The following SHANK2 variants were observed in gnomAD, a reference collection of about 807,000 sequenced individuals.
SHANK2 encodes SH3 and multiple ankyrin repeat domains protein 2.
SHANK2 carries 43 observed loss-of-function variants against 133.7 expected under a neutral mutation model. The observed-to-expected ratio is 0.32, with a 90% CI of 0.25 to 0.41. The LOEUF is 0.41. SHANK2 is among the 10% of genes least tolerant of loss of function. SHANK2 has a pLI of 1.00. For missense variants in SHANK2, 1,994 were observed against 2,235.8 expected (o/e 0.89, Z 2.18); for synonymous variants, 1,017 against 952.8 (o/e 1.07, Z -1.24).
intron 17 of SHANK2, among the ~76,000 whole-genome samples, chr11:70,540,808 C>T (rs2059611426): frequency 7.0e-6 from 1 of 143,602 alleles, no homozygotes; most frequent in South Asian, 2.3e-4. Flanking sequence ...GAAATCACGC[C>T]ACTGCACTCC....
intron 21 of SHANK2, among the ~76,000 whole-genome samples, chr11:70,494,530 G>A (rs1378404099): frequency 6.6e-6 from 1 of 152,158 alleles, no homozygotes; most frequent in Non-Finnish European, 1.5e-5. Flanking sequence ...CTGACCTCAA[G>A]TGATGTGCCC....
At chr11:71,246,474 C>T (rs933702589) in intron 1 of SHANK2, among the ~76,000 whole-genome samples, 3 of 152,206 alleles carry the variant, frequency 2.0e-5, no homozygotes, top group African/African-American at 4.8e-5. Flanking sequence ...ACTGCCTTCA[C>T]GTAAGTATCA....
rs910734753 is a variant in SHANK2 at position 70,825,094 on chromosome 11, C to T, written c.1175-4412G>A. On this transcript the variant is annotated intron_variant, in intron 11 of 25. Transcript: ENST00000601538. ...CCGACTGCCTCACGCCCAGCTTCCCCGCCCCGACAATGCAGCCAATTCTCT... is the reference window on the plus strand; with the variant it reads ...CCGACTGCCTCACGCCCAGCTTCCCTGCCCCGACAATGCAGCCAATTCTCT... Among the ~76,000 whole-genome samples the T allele has an allele frequency of 3.9e-5, 6 of 152,270 alleles. No individual in the cohort carries two copies. In the East Asian group the frequency reaches 7.7e-4, roughly 20 times the overall value.
chr11:71,100,315 T>C (rs1555096397), intron 6 of SHANK2, among the ~76,000 whole-genome samples: 1 of 152,220 alleles, frequency 6.6e-6, no homozygotes, highest in Non-Finnish European at 1.5e-5. Context: ...ATCTGAATGT[T>C]AGTGTTTACA....
At chr11:70,856,888 T>C (rs1949180459) in intron 11 of SHANK2, among the ~76,000 whole-genome samples, 1 of 152,164 alleles carries the variant, frequency 6.6e-6, no homozygotes, top group Non-Finnish European at 1.5e-5. Context: ...GCCCCAAGCA[T>C]CATTTGAAAC....
chr11:71,065,597 C>A (rs1951042106), intron 9 of SHANK2, among the ~76,000 whole-genome samples: 1 of 86,050 alleles, frequency 1.2e-5, no homozygotes, highest in Non-Finnish European at 2.1e-5. Flanking sequence ...GAGAGATGAG[C>A]AGTGAGTGGG....
At chr11:70,797,567 T>C (rs1271498386) in intron 14 of SHANK2, among the ~76,000 whole-genome samples, 2 of 152,126 alleles carry the variant, frequency 1.3e-5, no homozygotes, top group African/African-American at 4.8e-5. Flanking sequence ...TGGCTGGCCC[T>C]GGCAGATCTG....
At chr11:70,573,557 G>GGGGGGGT (rs1554983581) in intron 17 of SHANK2, among the ~76,000 whole-genome samples, 7 of 132,004 alleles carry the variant, frequency 5.3e-5, no homozygotes, top group East Asian at 2.4e-4. Flanking sequence ...GGCGGGGGGG[G>GGGGGGGT]GGTGGGGCAT....
intron 14 of SHANK2, among the ~76,000 whole-genome samples, chr11:70,729,761 C>G (rs1298354702): frequency 6.6e-6 from 1 of 151,406 alleles, no homozygotes; most frequent in Non-Finnish European, 1.5e-5. Context: ...TCTCGATCTT[C>G]TGACCTCATG....
At chr11:70,811,167 GT>G (rs1188941203) in intron 12 of SHANK2, among the ~76,000 whole-genome samples, 1 of 152,160 alleles carries the variant, frequency 6.6e-6, no homozygotes, top group Non-Finnish European at 1.5e-5. Context: ...GTGGGTCAAA[GT>G]CTAGAGGAAA....
At chr11:70,914,717 T>TAAAATAAAATA (rs1489678395) in intron 10 of SHANK2, among the ~76,000 whole-genome samples, 2 of 145,478 alleles carry the variant, frequency 1.4e-5, no homozygotes, top group Non-Finnish European at 3.0e-5. Flanking sequence ...TAAAATAAAA[T>TAAAATAAAATA]AAAACAAAAC....
At chr11:70,516,008 G>A (rs969482955) in intron 17 of SHANK2, among the ~76,000 whole-genome samples, 13 of 151,894 alleles carry the variant, frequency 8.6e-5, no homozygotes, top group African/African-American at 1.2e-4. Flanking sequence ...GTTTTGGGCC[G>A]TATTTCATAT....
In SHANK2 at chr11:71,086,045, A is replaced by ATATGTTATATAATATATTATATAATATAT. The variant is rs1590895240; in HGVS notation, c.912+6348_912+6376dup. The stretch of plus-strand genomic sequence containing the variant: ...TATTATATGTTATATATATTATATA[A>ATATGTTATATAATATATTATATAATATAT]TATGTTATATAATATATTATATAAT... On this transcript the variant is annotated intron_variant, in intron 8 of 25. Coordinates refer to ENST00000601538, the MANE Select transcript of SHANK2 (RefSeq NM_012309.5). 6.8e-3 allele frequency among the ~76,000 whole-genome samples: 515 copies of ATATGTTATATAATATATTATATAATATAT among 75,978 alleles called. 72 individuals carry two copies. The highest frequency in any genetic ancestry group is 0.022 in the African/African-American group (379 of 17,334). 49.8% of individuals were successfully genotyped at this position (75,978 alleles called of 152,430 possible).
At chr11:70,694,139 A>G (rs150005191) in intron 15 of SHANK2, among the ~76,000 whole-genome samples, 11 of 152,308 alleles carry the variant, frequency 7.2e-5, no homozygotes, top group Admixed American at 7.2e-4. Flanking sequence ...CCCTGAGTGG[A>G]GACATGTTTT....
At chr11:70,764,063 A>AATCCATCCATCCATCCATCCATCC (rs782452712) in intron 14 of SHANK2, among the ~76,000 whole-genome samples, 1 of 127,010 alleles carries the variant, frequency 7.9e-6, no homozygotes, top group Non-Finnish European at 1.7e-5. Context: ...TATACCCACC[A>AATCCATCCATCCATCCATCCATCC]ATCCATCCAT....
At chr11:71,207,737 C>T (rs1301023304) in intron 2 of SHANK2, among the ~76,000 whole-genome samples, 4 of 152,216 alleles carry the variant, frequency 2.6e-5, no homozygotes, top group African/African-American at 9.6e-5. Context: ...CCGTCTCTCT[C>T]AGCCAGGTCT....
intron 14 of SHANK2, among the ~76,000 whole-genome samples, chr11:70,718,220 C>G (rs1470863544): frequency 6.6e-6 from 1 of 152,242 alleles, no homozygotes; most frequent in Non-Finnish European, 1.5e-5. Context: ...CAGCTGTCCT[C>G]GTCCCCAGTA....
At chr11:70,910,010 G>C (rs1950166155) in intron 10 of SHANK2, among the ~76,000 whole-genome samples, 1 of 152,136 alleles carries the variant, frequency 6.6e-6, no homozygotes, top group African/African-American at 2.4e-5. Context: ...TCCTTGGCTT[G>C]CACTGGGCCG....
intron 13 of SHANK2, 59 bp downstream of exon 13, chr11:70,806,943 G>A (rs1948175996): frequency 1.5e-6 from 1 of 678,210 alleles, no homozygotes; most frequent in South Asian, 1.6e-5. Flanking sequence ...CAGCAGGCCG[G>A]GTGAAGGGCC....
Sources: gnomAD v4.1 joint callset for allele counts (sites outside exome capture counted in the v4.1 genomes callset) on GRCh38, gnomAD v4.1.1 for gene constraint, MANE v1.5 for transcripts, NCBI Gene and HGNC (gene_info 2026-07-23, HGNC 2026-07-21) for gene names.